Variants in EML1 observed in about 807,000 individuals in gnomAD.
EML1 encodes echinoderm microtubule-associated protein-like 1.
EML1 carries 27 observed loss-of-function variants against 110.4 expected under a neutral mutation model. That is an observed-to-expected ratio of 0.24 (90% CI 0.18 to 0.34). The LOEUF is 0.34. Ranked by LOEUF, EML1 falls within the 10% of genes least tolerant of loss-of-function variation. EML1 has a pLI of 1.00. For missense variants in EML1, 741 were observed against 1,030.9 expected (o/e 0.72, Z 3.85); for synonymous variants, 344 against 385.8 (o/e 0.89, Z 1.27).
At chr14:99,756,440 G>A (rs1241870133) in intron 1 of EML1, among the ~76,000 whole-genome samples, 1 of 152,226 alleles carries the variant, frequency 6.6e-6, no homozygotes, top group Non-Finnish European at 1.5e-5. Context: ...AAAGGCCGCG[G>A]GAGGCCTCTG....
chr14:99,850,207 C>T, intron 1 of EML1: 1 of 1,070,158 alleles, frequency 9.3e-7, no homozygotes. Flanking sequence ...CCAAAGTGTT[C>T]TCTGTGTTCT....
intron 1 of EML1, among the ~76,000 whole-genome samples, chr14:99,766,043 G>GA (rs2057365743): frequency 6.6e-6 from 1 of 152,014 alleles, no homozygotes; most frequent in Non-Finnish European, 1.5e-5. Flanking sequence ...ATCCATCAAT[G>GA]AACACTTAGG....
chr14:99,868,861 A>C (rs547793417), intron 3 of EML1, among the ~76,000 whole-genome samples: 1 of 151,998 alleles, frequency 6.6e-6, no homozygotes, highest in South Asian at 2.1e-4. Flanking sequence ...TTTTGGTTTT[A>C]TCTTCTTCTT....
intron 17 of EML1, among the ~76,000 whole-genome samples, chr14:99,921,923 C>T (rs1473232149): frequency 3.3e-5 from 5 of 152,126 alleles, no homozygotes; most frequent in Admixed American, 6.5e-5. Flanking sequence ...ACCCCCAGTC[C>T]GAGGAAACTA....
intron 9 of EML1, 193 bp from the exon 10 acceptor site, chr14:99,907,445 A>G: frequency 1.7e-6 from 1 of 602,162 alleles, no homozygotes; most frequent in East Asian, 2.8e-5. Flanking sequence ...TGTGACCTGG[A>G]TGACAGAGCA....
At chr14:99,806,725 C>T (rs1437828605) in intron 1 of EML1, among the ~76,000 whole-genome samples, 5 of 152,144 alleles carry the variant, frequency 3.3e-5, no homozygotes, top group Non-Finnish European at 5.9e-5. Flanking sequence ...GGCATGGATT[C>T]AGAGCTGCCC....
intron 1 of EML1, among the ~76,000 whole-genome samples, chr14:99,818,261 A>G (rs2058202541): frequency 6.6e-6 from 1 of 152,124 alleles, no homozygotes; most frequent in African/African-American, 2.4e-5. Flanking sequence ...AAGAAGAGGA[A>G]TGGGATGCGG....
chr14:99,774,422 T>A (rs1341788417), intron 1 of EML1, among the ~76,000 whole-genome samples: 1 of 152,174 alleles, frequency 6.6e-6, no homozygotes, highest in Non-Finnish European at 1.5e-5. Context: ...AATGCTTCTG[T>A]AATGCCCAGT....
Position 99,793,430 on chromosome 14 carries a change from G to GGCGGCGCGGCCGGGCCGGGGAGCGGGC in EML1, c.-41_-15dup. On this transcript the variant is annotated 5_prime_UTR_variant, in exon 1 of 22. Transcript: ENST00000262233. ...CTCAGCTCAGTGTGTGGTGAGCGGC[G>GGCGGCGCGGCCGGGCCGGGGAGCGGGC]GCGGCGCGGCCGGGCCGGGGAGCGG... is the stretch of plus-strand genomic sequence containing the variant. 2 of 1,029,498 alleles carry GGCGGCGCGGCCGGGCCGGGGAGCGGGC rather than the reference G, an allele frequency of 1.9e-6. No homozygotes were observed. Among genetic ancestry groups the GGCGGCGCGGCCGGGCCGGGGAGCGGGC allele is most frequent in the South Asian group, 8.8e-5 (2 of 22,776 alleles). The allele number at this position is 1,029,498 out of a possible 1,614,324, so 63.8% of individuals were successfully genotyped here. A position where few individuals can be genotyped will look rare whatever the true frequency, so the allele number is the denominator to read the frequency against.
Position 99,939,184 on chromosome 14 carries a change from G to T in EML1, c.2192-13G>T. 1 of 1,613,706 alleles carries T rather than the reference G, an allele frequency of 6.2e-7. No individual in the cohort carries two copies. On this transcript the variant is annotated splice_polypyrimidine_tract_variant and intron_variant, in intron 20 of 21. Coordinates refer to ENST00000262233, the MANE Select transcript of EML1 (RefSeq NM_004434.3). This position sits in a 1 kb window ranked among gnomAD's most constrained non-coding sequence, Gnocchi z 4.2. ...TGGTGTTTCCAGCGCCCTGTTTGTGGTCTTTGTTTTAGGAGTGTGGCCAGA... is the reference window on the plus strand; with the variant it reads ...TGGTGTTTCCAGCGCCCTGTTTGTGTTCTTTGTTTTAGGAGTGTGGCCAGA...
rs546775931 is a variant in EML1, at chr14:99,851,031, C to T, written c.246C>T (p.Thr82=). The change falls in exon 2 of 22, where the codon ACC becomes ACT. Residue 82 remains threonine, a synonymous_variant. Transcript: ENST00000262233. The part of the protein sequence containing the change: ...QQAVLNRKGP[T]KARPLMQTLP... Reference sequence around the variant, plus strand: ...CCGTGCTTAACAGGAAAGGACCTACCAAAGGTGGGCGTTTGAGTGACACAG... The same window carrying T: ...CCGTGCTTAACAGGAAAGGACCTACTAAAGGTGGGCGTTTGAGTGACACAG... The T allele has an allele frequency of 1.9e-6, 3 of 1,609,958 alleles. No homozygotes were observed. The highest frequency in any genetic ancestry group is 2.7e-5 in the African/African-American group (2 of 74,960).
chr14:99,865,036 T>A (rs1451669896), intron 2 of EML1, among the ~76,000 whole-genome samples: 1 of 152,198 alleles, frequency 6.6e-6, no homozygotes, highest in Non-Finnish European at 1.5e-5. Context: ...TCAAGCATGG[T>A]ACATTTATTG....
intron 16 of EML1, among the ~76,000 whole-genome samples, chr14:99,918,654 T>C (rs1044651354): frequency 1.3e-5 from 2 of 151,932 alleles, no homozygotes; most frequent in African/African-American, 4.8e-5. Flanking sequence ...CCTATCTCTA[T>C]AAAAAATTTA....
Position 99,781,638 on chromosome 14 carries a change from A to G in EML1, c.-27+7625A>G, listed in dbSNP as rs1467051670. On this transcript the variant is annotated intron_variant, in intron 1 of 22. Transcript: ENST00000327921. This position sits in a 1 kb window ranked among gnomAD's most constrained non-coding sequence, Gnocchi z 4.2. The stretch of plus-strand genomic sequence containing the variant: ...ATCAGTCTTCCTGAAGCACAGTCCT[A>G]ATTCTGTGGCTTCCAAGGGGCTCCC... 2.0e-5 allele frequency among the ~76,000 whole-genome samples: 3 copies of G among 152,108 alleles called. No individual in the cohort carries two copies. Among genetic ancestry groups the G allele is most frequent in the African/African-American group, 7.2e-5 (3 of 41,404 alleles).
At chr14:99,858,221 G>A (rs189555107) in intron 2 of EML1, among the ~76,000 whole-genome samples, 252 of 137,100 alleles carry the variant, frequency 1.8e-3, no homozygotes, top group Admixed American at 0.015. Flanking sequence ...TTTTGCTCTT[G>A]TTGCCCAGGC....
At position 99,866,570 on chromosome 14, in the gene EML1, CA is replaced by C. The variant is rs57796662; in HGVS notation, c.383+950del. Among the ~76,000 whole-genome samples the C allele has an allele frequency of 5.6e-3, 451 of 79,964 alleles. 1 individual carries two copies. Among genetic ancestry groups the C allele is most frequent in the Non-Finnish European group, 7.6e-3 (333 of 43,560 alleles). 52.5% of individuals were successfully genotyped at this position (79,964 alleles called of 152,430 possible). ...GGGTGACAAGAGCAAAACTCCATCT[CA>C]AAAAAAAAAAAAAAAAAAAAAAAAA... On this transcript the variant is annotated intron_variant, in intron 3 of 21. Coordinates refer to ENST00000262233, the MANE Select transcript of EML1 (RefSeq NM_004434.3).
At chr14:99,803,387 G>A (rs1393841382) in intron 1 of EML1, among the ~76,000 whole-genome samples, 2 of 152,184 alleles carry the variant, frequency 1.3e-5, no homozygotes, top group African/African-American at 2.4e-5. Flanking sequence ...GCGTATCTAC[G>A]TGCATTATAC....
chr14:99,912,423 C>G (rs1450297530), intron 13 of EML1, among the ~76,000 whole-genome samples: 1 of 152,100 alleles, frequency 6.6e-6, no homozygotes, highest in Non-Finnish European at 1.5e-5. Context: ...AATTTTCTCC[C>G]CCAGGTTCCA....
At chr14:99,869,209 G>A (rs1338008528) in intron 3 of EML1, among the ~76,000 whole-genome samples, 1 of 152,152 alleles carries the variant, frequency 6.6e-6, no homozygotes, top group Admixed American at 6.5e-5. Context: ...CCTGTGTTGA[G>A]TAAATCTATC....
Sources: gnomAD v4.1 joint callset for allele counts (sites outside exome capture counted in the v4.1 genomes callset) on GRCh38, gnomAD v4.1.1 for gene constraint, Gnocchi (gnomAD v3.1) non-coding constraint, MANE v1.5 for transcripts, NCBI Gene and HGNC (gene_info 2026-07-23, HGNC 2026-07-21) for gene names.